Variants in TSPAN15 observed in about 807,000 individuals in gnomAD.
TSPAN15 encodes tetraspanin 15, also known as tetraspanin-15.
TSPAN15 carries 20 observed loss-of-function variants against 34.5 expected under a neutral mutation model. The ratio of observed to expected loss-of-function variants is 0.58; its 90% CI spans 0.41 to 0.84. The LOEUF (loss-of-function observed/expected upper bound fraction) is 0.84. TSPAN15 is among the 40% of genes least tolerant of loss of function. The pLI is 0.00. For synonymous variants in TSPAN15, 155 were observed against 153.9 expected (o/e 1.01, Z -0.05); for missense variants, 313 against 386.1 (o/e 0.81, Z 1.59).
At chr10:69,509,225 G>T (rs139068960), downstream of TSPAN15, among the ~76,000 whole-genome samples, 8 of 152,156 alleles carry the variant, frequency 5.3e-5, no homozygotes, top group African/African-American at 1.9e-4. Flanking sequence ...ACCACTCACA[G>T]ACACCCCTCT....
Position 69,453,376 on chromosome 10 carries a change from A to G in TSPAN15, c.96+1686A>G, listed in dbSNP as rs141253372. ...TCAGTATTGAAAACTGCTGCCCTAG[A>G]TGGTCTCATAGGTCCCCTAAGTCCC... is the stretch of plus-strand genomic sequence containing the variant. On this transcript the variant is annotated intron_variant, in intron 1 of 7. Coordinates refer to ENST00000373290, the MANE Select transcript of TSPAN15 (RefSeq NM_012339.5). 1.0e-2 allele frequency among the ~76,000 whole-genome samples: 1,521 copies of G among 152,272 alleles called. 26 individuals carry two copies. Among genetic ancestry groups the G allele is most frequent in the African/African-American group, 0.035 (1,438 of 41,534 alleles).
chr10:69,525,124 T>C, the TSPAN15 span, among the ~76,000 whole-genome samples: 1 of 147,036 alleles, frequency 6.8e-6, no homozygotes, highest in African/African-American at 2.5e-5. Context: ...AGCTCTGTTG[T>C]CCAGGCTGTT....
chr10:69,455,669 G>C (rs538359173), intron 1 of TSPAN15, among the ~76,000 whole-genome samples: 2 of 127,314 alleles, frequency 1.6e-5, no homozygotes, highest in Non-Finnish European at 3.1e-5. Context: ...CTTTCACTGA[G>C]AACAGTGACA....
the TSPAN15 span, among the ~76,000 whole-genome samples, chr10:69,541,968 C>T: frequency 5.5e-3 from 836 of 152,296 alleles, 11 homozygotes; most frequent in African/African-American, 0.019. Flanking sequence ...TTCGGTTCCT[C>T]GTTACTTATG....
the TSPAN15 span, among the ~76,000 whole-genome samples, chr10:69,529,630 C>T: frequency 6.8e-6 from 1 of 147,854 alleles, no homozygotes; most frequent in Non-Finnish European, 1.5e-5. Context: ...GTGACAATCT[C>T]CCAATGGTAT....
chr10:69,546,286 C>T, the TSPAN15 span, among the ~76,000 whole-genome samples: 4 of 152,312 alleles, frequency 2.6e-5, no homozygotes, highest in South Asian at 4.1e-4. Context: ...ATTCCAGATA[C>T]TCTCTGGAGT....
the TSPAN15 span, among the ~76,000 whole-genome samples, chr10:69,524,779 G>A: frequency 3.1e-4 from 35 of 112,640 alleles, 1 homozygote; most frequent in Admixed American, 3.4e-3. Context: ...ATATATATAT[G>A]CATCTTTTTT....
chr10:69,518,825 G>A, the TSPAN15 span, among the ~76,000 whole-genome samples: 3 of 152,156 alleles, frequency 2.0e-5, no homozygotes, highest in African/African-American at 4.8e-5. Context: ...GAGAAACATG[G>A]TATCTATGAG....
At chr10:69,462,853 G>A (rs1435644085) in intron 1 of TSPAN15, among the ~76,000 whole-genome samples, 1 of 152,186 alleles carries the variant, frequency 6.6e-6, no homozygotes, top group Non-Finnish European at 1.5e-5. Flanking sequence ...AACACAGTTG[G>A]GAGAGGCCCA....
chr10:69,505,981 C>T (rs1842316757), intron 6 of TSPAN15, 143 bp from the exon 7 acceptor site: 2 of 640,858 alleles, frequency 3.1e-6, no homozygotes, highest in Non-Finnish European at 5.5e-6. Flanking sequence ...AATCTAGGGT[C>T]ACCTTCTCAT....
chr10:69,536,283 A>G, the TSPAN15 span, among the ~76,000 whole-genome samples: 1 of 152,182 alleles, frequency 6.6e-6, no homozygotes, highest in African/African-American at 2.4e-5. Context: ...CTGATCTGGC[A>G]TTTGACCAGT....
chr10:69,534,554 G>A, the TSPAN15 span, among the ~76,000 whole-genome samples: 1 of 152,148 alleles, frequency 6.6e-6, no homozygotes, highest in Non-Finnish European at 1.5e-5. Context: ...TTCTGATACT[G>A]TTGTGTGTAC....
the TSPAN15 span, among the ~76,000 whole-genome samples, chr10:69,525,483 TAA>T: frequency 0.15 from 17,954 of 118,038 alleles, 2,339 homozygotes; most frequent in East Asian, 0.25. Flanking sequence ...CCTCATCTCT[TAA>T]AAAAAAAAAA....
At chr10:69,464,626 T>G (rs933592766) in intron 1 of TSPAN15, among the ~76,000 whole-genome samples, 5 of 152,192 alleles carry the variant, frequency 3.3e-5, no homozygotes, top group Admixed American at 3.3e-4. Flanking sequence ...AAACGTGGGA[T>G]TCCCTGACAG....
At chr10:69,481,593 A>G (rs913861105) in intron 1 of TSPAN15, among the ~76,000 whole-genome samples, 1 of 152,078 alleles carries the variant, frequency 6.6e-6, no homozygotes, top group African/African-American at 2.4e-5. Context: ...CAGTAAGGAG[A>G]CCCATGAAGT....
At chr10:69,502,806 C>T (rs903564995) in intron 5 of TSPAN15, among the ~76,000 whole-genome samples, 4 of 152,162 alleles carry the variant, frequency 2.6e-5, no homozygotes, top group African/African-American at 7.2e-5. Context: ...CTAAGAGACT[C>T]ATCCCCCGAG....
At chr10:69,544,446 C>G in the TSPAN15 span, among the ~76,000 whole-genome samples, 1 of 152,106 alleles carries the variant, frequency 6.6e-6, no homozygotes, top group Non-Finnish European at 1.5e-5. Context: ...AGATTTCTCC[C>G]AGGTCTAATC....
the TSPAN15 span, among the ~76,000 whole-genome samples, chr10:69,519,469 AAAT>A: frequency 6.6e-6 from 1 of 152,198 alleles, no homozygotes; most frequent in African/African-American, 2.4e-5. Flanking sequence ...GAAAAGTAAA[AAAT>A]AAAAACTAGA....
At chr10:69,529,297 A>ATGGAG in the TSPAN15 span, among the ~76,000 whole-genome samples, 1 of 147,976 alleles carries the variant, frequency 6.8e-6, no homozygotes, top group Non-Finnish European at 1.5e-5. Flanking sequence ...CACTGGCTCC[A>ATGGAG]TGGAGGTGCA....
Sources: gnomAD v4.1 joint callset for allele counts (sites outside exome capture counted in the v4.1 genomes callset) on GRCh38, gnomAD v4.1.1 for gene constraint, MANE v1.5 for transcripts, NCBI Gene and HGNC (gene_info 2026-07-23, HGNC 2026-07-21) for gene names.